The following VWA8 variants were observed in gnomAD, a reference collection of about 807,000 sequenced individuals.
VWA8 encodes von Willebrand factor A domain-containing protein 8.
In VWA8, 221 loss-of-function variants were observed where a neutral mutation model predicts 241.5. The ratio of observed to expected loss-of-function variants is 0.91; its 90% CI spans 0.82 to 1.02. The LOEUF is 1.02. Among genes scored for constraint, VWA8 ranks in the 50% least tolerant of loss-of-function variants. The pLI is 0.00. For synonymous variants in VWA8, 852 were observed against 827.1 expected, an observed-to-expected ratio of 1.03 and a Z score of -0.52; for missense variants, 2,322 against 2,328.7, an observed-to-expected ratio of 1.00 and a Z score of 0.06.
At chr13:41,622,373 A>T (rs2044662762) in intron 37 of VWA8, among the ~76,000 whole-genome samples, 1 of 152,212 alleles carries the variant, frequency 6.6e-6, no homozygotes, top group Non-Finnish European at 1.5e-5. Context: ...GTTTGCTTTC[A>T]TGTGCGTGTT....
intron 12 of VWA8, among the ~76,000 whole-genome samples, chr13:41,855,422 GAAAT>G (rs1445735020): frequency 2.1e-5 from 3 of 146,018 alleles, no homozygotes. Context: ...GAAGAAAAAA[GAAAT>G]AAAGCTACTG....
chr13:41,783,512 C>A (rs1290186886), intron 19 of VWA8, among the ~76,000 whole-genome samples: 2 of 151,892 alleles, frequency 1.3e-5, no homozygotes, highest in African/African-American at 4.8e-5. Flanking sequence ...GTGGCACATG[C>A]CTCTAGTCTC....
intron 26 of VWA8, among the ~76,000 whole-genome samples, chr13:41,708,123 C>T (rs995417690): frequency 7.2e-5 from 11 of 152,028 alleles, no homozygotes; most frequent in Admixed American, 7.2e-4. Flanking sequence ...TTTGGGAGGC[C>T]GAGGCGGGCG....
chr13:41,949,031 TAAAAA>T (rs35506856), intron 2 of VWA8, among the ~76,000 whole-genome samples: 3 of 63,388 alleles, frequency 4.7e-5, no homozygotes, highest in African/African-American at 1.3e-4. Flanking sequence ...TCTACCATCA[TAAAAA>T]AAAAAAAAAA....
At chr13:41,658,039 G>A (rs149431680) in intron 37 of VWA8, among the ~76,000 whole-genome samples, 5 of 152,352 alleles carry the variant, frequency 3.3e-5, no homozygotes, top group Non-Finnish European at 7.3e-5. Context: ...TCTTTACAGA[G>A]AGACTTCTCA....
rs553456922 is a variant in VWA8 at position 41,903,421 on chromosome 13, C to A, written c.483+4165G>T. On this transcript the variant is annotated intron_variant, in intron 4 of 44. Transcript: ENST00000379310. ...GTTATATTCTAGCGGGGGAGGAGAG[C>A]CAACAAACATGGGAGCAGGGAAATA... 6.6e-5 allele frequency among the ~76,000 whole-genome samples: 10 copies of A among 152,080 alleles called. No individual in the cohort carries two copies. In the South Asian group the frequency reaches 1.9e-3, roughly 28 times the overall value.
At chr13:41,892,251 TG>T (rs1356146709) in intron 4 of VWA8, among the ~76,000 whole-genome samples, 2 of 152,116 alleles carry the variant, frequency 1.3e-5, no homozygotes, top group African/African-American at 4.8e-5. Context: ...ACTATAGATA[TG>T]AAAAAAATAT....
At chr13:41,941,389 G>A (rs2138152526) in intron 2 of VWA8, among the ~76,000 whole-genome samples, 1 of 152,280 alleles carries the variant, frequency 6.6e-6, no homozygotes, top group South Asian at 2.1e-4. Context: ...AACGCTATCA[G>A]GCAATGACAA....
At chr13:41,729,206 T>A (rs2045461174) in intron 23 of VWA8, among the ~76,000 whole-genome samples, 1 of 152,044 alleles carries the variant, frequency 6.6e-6, no homozygotes, top group Non-Finnish European at 1.5e-5. Flanking sequence ...CAGCTTTTTT[T>A]ATTATAATGA....
chr13:41,758,605 T>C (rs569570190), intron 21 of VWA8, among the ~76,000 whole-genome samples: 21 of 149,896 alleles, frequency 1.4e-4, no homozygotes, highest in Non-Finnish European at 2.1e-4. Context: ...GCTTTTTTTA[T>C]ATGTTTCTTA....
chr13:41,817,647 A>C (rs1199364776), intron 15 of VWA8, among the ~76,000 whole-genome samples: 1 of 152,188 alleles, frequency 6.6e-6, no homozygotes, highest in African/African-American at 2.4e-5. Flanking sequence ...TTTTTAGATG[A>C]GGAAACTATG....
intron 21 of VWA8, among the ~76,000 whole-genome samples, chr13:41,743,255 AGAG>A (rs1301655142): frequency 6.6e-6 from 1 of 152,238 alleles, no homozygotes; most frequent in Non-Finnish European, 1.5e-5. Flanking sequence ...AGGAGAGATC[AGAG>A]GCTGAGTTCT....
intron 2 of VWA8, among the ~76,000 whole-genome samples, chr13:41,930,212 C>A (rs552628573): frequency 6.6e-6 from 1 of 152,186 alleles, no homozygotes; most frequent in South Asian, 2.1e-4. Flanking sequence ...CGGCTATTAT[C>A]AAAAAATCAA....
intron 40 of VWA8, among the ~76,000 whole-genome samples, chr13:41,596,789 AC>A (rs1165108409): frequency 1.7e-4 from 2 of 11,506 alleles, no homozygotes; most frequent in African/African-American, 4.4e-4. Flanking sequence ...ACCAGAAAGT[AC>A]ACACACACAC....
chr13:41,616,391 T>C (rs2044620079), intron 37 of VWA8, among the ~76,000 whole-genome samples: 1 of 152,094 alleles, frequency 6.6e-6, no homozygotes, highest in Non-Finnish European at 1.5e-5. Flanking sequence ...CAGCCAGACA[T>C]GACAATTGAT....
At chr13:41,740,500 C>T (rs2045561964) in intron 21 of VWA8, among the ~76,000 whole-genome samples, 1 of 152,200 alleles carries the variant, frequency 6.6e-6, no homozygotes, top group South Asian at 2.1e-4. Context: ...AGTTCAGCAT[C>T]CGCATGCATT....
chr13:41,841,834 T>A (rs866232064), intron 12 of VWA8, among the ~76,000 whole-genome samples: 3 of 81,212 alleles, frequency 3.7e-5, no homozygotes, highest in Non-Finnish European at 2.2e-5. Context: ...TATATATATA[T>A]ATATATATAT....
chr13:41,614,885 G>C (rs1019463541), intron 38 of VWA8, 91 bp downstream of exon 38: 1 of 1,263,610 alleles, frequency 7.9e-7, no homozygotes, highest in African/African-American at 1.5e-5. Flanking sequence ...AGGAAAGCCC[G>C]TCTCTGAGTC....
At chr13:41,824,372 C>T (rs953110424) in intron 14 of VWA8, among the ~76,000 whole-genome samples, 1 of 151,974 alleles carries the variant, frequency 6.6e-6, no homozygotes, top group Admixed American at 6.6e-5. Flanking sequence ...CCTATGTGTG[C>T]GGAGAGGAAG....
Sources: gnomAD v4.1 joint callset for allele counts (sites outside exome capture counted in the v4.1 genomes callset) on GRCh38, gnomAD v4.1.1 for gene constraint, MANE v1.5 for transcripts, NCBI Gene and HGNC (gene_info 2026-07-23, HGNC 2026-07-21) for gene names.